Variants in DGKG observed in about 807,000 individuals in gnomAD.
The protein encoded by DGKG is DAG kinase gamma.
A neutral mutation model predicts 105.3 loss-of-function variants in DGKG; 78 were observed. The observed-to-expected ratio is 0.74, with a 90% confidence interval of 0.62 to 0.89. DGKG has a LOEUF of 0.89. Among genes scored for constraint, DGKG ranks in the 40% least tolerant of loss-of-function variants. The probability of loss-of-function intolerance (pLI) is 0.00; values close to 1 mark genes in which losing one functional copy is unlikely to be tolerated. For missense variants in DGKG, 958 were observed against 1,020.1 expected, an observed-to-expected ratio of 0.94 and a Z score of 0.83; for synonymous variants, 346 against 367.1, an observed-to-expected ratio of 0.94 and a Z score of 0.66.
At chr3:186,344,260 A>G (rs1726223313) in intron 1 of DGKG, among the ~76,000 whole-genome samples, 1 of 152,248 alleles carries the variant, frequency 6.6e-6, no homozygotes, top group Non-Finnish European at 1.5e-5. Context: ...AATAGAATTC[A>G]TTTGACCATA....
rs1249342337 is a variant in DGKG at position 186,260,993 on chromosome 3, G to A, written c.1350-480C>T. 5.3e-5 allele frequency among the ~76,000 whole-genome samples: 8 copies of A among 152,304 alleles called. No individual in the cohort carries two copies. The East Asian group carries it at 1.5e-3, about 29-fold the overall frequency. ...GCAGGAGGTGGTGTTGGGCTGTGGG[G>A]GAGGGAGGGCGCTGAGAGGCCGTGA... On this transcript the variant is annotated intron_variant, in intron 15 of 24. Coordinates refer to ENST00000265022, the MANE Select transcript of DGKG (RefSeq NM_001346.3).
chr3:186,360,113 G>A (rs1042295498), intron 1 of DGKG, among the ~76,000 whole-genome samples: 8 of 152,072 alleles, frequency 5.3e-5, no homozygotes, highest in African/African-American at 9.7e-5. Flanking sequence ...GGGAGTGTCC[G>A]GGTTGGAGGG....
chr3:186,149,494 A>G lies in DGKG; in HGVS notation c.*596T>C, dbSNP rs6444109. ...CAAGAATGGAAATACAGCTTTCCAC[A>G]GCCTTTCTGCCTCTTCAGCAGGTTC... On this transcript the variant is annotated 3_prime_UTR_variant, in exon 25 of 25. Transcript: ENST00000265022. 647,078 of 985,242 alleles carry G rather than the reference A, an allele frequency of 0.66. 213,395 individuals carry two copies. Among genetic ancestry groups the G allele is most frequent in the East Asian group, 0.92 (8,119 of 8,804 alleles). 61.0% of individuals were successfully genotyped at this position (985,242 alleles called of 1,614,324 possible).
chr3:186,261,004 G>A (rs1005440692), intron 15 of DGKG, among the ~76,000 whole-genome samples: 3 of 152,164 alleles, frequency 2.0e-5, no homozygotes, highest in South Asian at 2.1e-4. Context: ...GAGGGAGGGC[G>A]CTGAGAGGCC....
chr3:186,295,229 G>A (rs949380467), intron 5 of DGKG, among the ~76,000 whole-genome samples: 10 of 152,134 alleles, frequency 6.6e-5, no homozygotes, highest in Non-Finnish European at 1.3e-4. Context: ...TAGGCTGGGC[G>A]GGGTGGCTCA....
In DGKG at chr3:186,288,936, C is replaced by G. The variant is rs187933327; in HGVS notation, c.374-56G>C. Reference sequence around the variant, plus strand: ...ACATTTTCTGTTTAGTAAATATTAACCCCTCTTTGTTACCCCATCCTTTTC... The same window carrying G: ...ACATTTTCTGTTTAGTAAATATTAAGCCCTCTTTGTTACCCCATCCTTTTC... On this transcript the variant is annotated intron_variant, in intron 5 of 24. Coordinates refer to ENST00000265022, the MANE Select transcript of DGKG (RefSeq NM_001346.3). 166 of 1,471,834 alleles carry G rather than the reference C, an allele frequency of 1.1e-4. 1 individual carries two copies. In the African/African-American group the frequency reaches 2.0e-3, roughly 18 times the overall value. The allele number at this position is 1,471,834 out of a possible 1,614,324, so 91.2% of individuals were successfully genotyped here.
At chr3:186,183,585 TG>T (rs1410633433) in intron 22 of DGKG, among the ~76,000 whole-genome samples, 3 of 152,182 alleles carry the variant, frequency 2.0e-5, no homozygotes, top group African/African-American at 7.2e-5. Flanking sequence ...CCTTGGAATC[TG>T]AAAGGTCTAG....
chr3:186,320,741 A>T (rs954823463), intron 1 of DGKG, 34 bp from the exon 2 acceptor site: 1 of 343,418 alleles, frequency 2.9e-6, no homozygotes, highest in Admixed American at 4.5e-5. Context: ...TGTAAATGAG[A>T]ATGTTAAAAA....
Position 186,267,705 on chromosome 3 carries a change from A to G in DGKG, c.1189T>C (p.Ser397Pro). The G allele has an allele frequency of 6.2e-7, 1 of 1,614,058 alleles. No homozygotes were observed. Among genetic ancestry groups the G allele is most frequent in the Non-Finnish European group, 8.5e-7 (1 of 1,179,938 alleles). ...ELRDHILLPTSICPITRDRPG... is the reference protein window; with the variant it reads ...ELRDHILLPTPICPITRDRPG... ...CTTACCCGGGTGATGGGGCATATGG[A>G]GGTGGGCAGTAAGATGTGGTCTCTG... The change falls in exon 13 of 25, where the codon TCC becomes CCC. Residue 397 changes from serine to proline, a missense_variant. This residue lies in a region of DGKG where 643 missense variants were observed against 619.5 expected (regional missense o/e 1.04). Coordinates refer to ENST00000265022, the MANE Select transcript of DGKG (RefSeq NM_001346.3).
chr3:186,189,342 T>G (rs1213080687), intron 21 of DGKG, among the ~76,000 whole-genome samples: 1 of 152,228 alleles, frequency 6.6e-6, no homozygotes, highest in Non-Finnish European at 1.5e-5. Flanking sequence ...CACATGTCTA[T>G]AAAGTCAGCC....
At chr3:186,173,207 G>C (rs1716907455) in intron 22 of DGKG, among the ~76,000 whole-genome samples, 1 of 152,250 alleles carries the variant, frequency 6.6e-6, no homozygotes, top group South Asian at 2.1e-4. Context: ...AGTCTGAGGT[G>C]CTGGGGGTTA....
chr3:186,333,273 G>A (rs1484830553), intron 1 of DGKG, among the ~76,000 whole-genome samples: 1 of 152,176 alleles, frequency 6.6e-6, no homozygotes, highest in East Asian at 1.9e-4. Flanking sequence ...AATTCAGGGA[G>A]GGTCAGCAAC....
At chr3:186,207,291 G>A (rs937734003) in intron 21 of DGKG, 5 of 174,140 alleles carry the variant, frequency 2.9e-5, no homozygotes, top group Admixed American at 6.5e-5. Flanking sequence ...CCCAAACCTG[G>A]TTGAGAGTCT....
intron 5 of DGKG, among the ~76,000 whole-genome samples, chr3:186,292,113 C>T (rs1415263287): frequency 6.6e-6 from 1 of 152,186 alleles, no homozygotes; most frequent in Non-Finnish European, 1.5e-5. Context: ...TGCCAACACC[C>T]TCTTCCGGAT....
chr3:186,204,616 T>A (rs928371738), intron 21 of DGKG, among the ~76,000 whole-genome samples: 4 of 152,118 alleles, frequency 2.6e-5, no homozygotes, highest in African/African-American at 9.7e-5. Flanking sequence ...TTAAATTAAA[T>A]TTTTTAAAAT....
At chr3:186,255,209 C>T (rs1206162223) in intron 17 of DGKG, among the ~76,000 whole-genome samples, 1 of 152,224 alleles carries the variant, frequency 6.6e-6, no homozygotes, top group Admixed American at 6.5e-5. Context: ...TCATACATAT[C>T]GACTGAAGCC....
rs145463976 is a variant in DGKG at position 186,332,507 on chromosome 3, G to A, written c.-248-11800C>T. Among the ~76,000 whole-genome samples, 940 of 152,250 alleles carry A rather than the reference G, an allele frequency of 6.2e-3. 6 individuals carry two copies. Among genetic ancestry groups the A allele is most frequent in the Non-Finnish European group, 0.01 (691 of 68,012 alleles). ...TTATGAAATTACTACCTGGGGAAGC[G>A]TCTGCCCTAGACTCATGCCCTGTGT... On this transcript the variant is annotated intron_variant, in intron 1 of 24. Transcript: ENST00000265022.
chr3:186,293,647 A>C (rs1289599074), intron 5 of DGKG, among the ~76,000 whole-genome samples: 1 of 152,210 alleles, frequency 6.6e-6, no homozygotes, highest in Admixed American at 6.5e-5. Flanking sequence ...TGGCTCTGGG[A>C]ATGAAGTGGG....
chr3:186,274,193 GTTTT>G (rs1402661269), intron 10 of DGKG, among the ~76,000 whole-genome samples: 6 of 151,948 alleles, frequency 3.9e-5, no homozygotes, highest in Admixed American at 3.3e-4. Flanking sequence ...TTGTTTGTTT[GTTTT>G]TTGTTTTTGA....
Sources: gnomAD v4.1 joint callset for allele counts (sites outside exome capture counted in the v4.1 genomes callset) on GRCh38, gnomAD v4.1.1 for gene constraint, gnomAD v4.1.1 regional missense constraint, MANE v1.5 for transcripts, NCBI Gene and HGNC (gene_info 2026-07-23, HGNC 2026-07-21) for gene names.